The following AGBL1 variants were observed in gnomAD, a reference collection of about 807,000 sequenced individuals.
AGBL1 encodes the protein AGBL carboxypeptidase 1.
In AGBL1, 130 loss-of-function variants were observed where a neutral mutation model predicts 118.9. That is an observed-to-expected ratio of 1.09 (90% CI 0.95 to 1.26). AGBL1 has a LOEUF of 1.26. Ranked by LOEUF, AGBL1 falls within the 50% of genes most tolerant of loss-of-function variation. The pLI is 0.00. For synonymous variants in AGBL1, 555 were observed against 478.9 expected (o/e 1.16, Z -2.08); for missense variants, 1,584 against 1,298.1 (o/e 1.22, Z -3.38).
intron 22 of AGBL1, among the ~76,000 whole-genome samples, chr15:86,692,640 A>G (rs899477819): frequency 6.6e-6 from 1 of 152,050 alleles, no homozygotes; most frequent in African/African-American, 2.4e-5. Context: ...TTTTGGAGGG[A>G]ACAGGTAGTA....
chr15:86,844,850 A>G (rs779142294), intron 22 of AGBL1, among the ~76,000 whole-genome samples: 9 of 152,092 alleles, frequency 5.9e-5, no homozygotes, highest in Non-Finnish European at 8.8e-5. Context: ...CTTATGTTCT[A>G]TGAGTCAATT....
intron 17 of AGBL1, among the ~76,000 whole-genome samples, chr15:86,310,810 C>G (rs2079909384): frequency 6.6e-6 from 1 of 152,150 alleles, no homozygotes; most frequent in African/African-American, 2.4e-5. Context: ...TGACCATATT[C>G]TCTACTATGG....
intron 1 of AGBL1, among the ~76,000 whole-genome samples, chr15:86,082,641 C>T (rs769268566): frequency 6.6e-6 from 1 of 152,212 alleles, no homozygotes; most frequent in South Asian, 2.1e-4. Flanking sequence ...CACTAAGAAA[C>T]ATCAGTTTTC....
chr15:86,225,068 A>G (rs188728251), intron 6 of AGBL1, 117 bp downstream of exon 6: 122 of 1,015,414 alleles, frequency 1.2e-4, no homozygotes, highest in Admixed American at 4.0e-4. Context: ...CTATTTCTCA[A>G]TCACCTATGG....
chr15:86,930,074 G>A (rs951960745), intron 23 of AGBL1, among the ~76,000 whole-genome samples: 1 of 151,992 alleles, frequency 6.6e-6, no homozygotes, highest in Non-Finnish European at 1.5e-5. Context: ...CATGGTATTT[G>A]TCTTCCCCCA....
chr15:86,976,233 T>C (rs1030233259), intron 23 of AGBL1, among the ~76,000 whole-genome samples: 3 of 150,564 alleles, frequency 2.0e-5, no homozygotes, highest in Non-Finnish European at 4.4e-5. Context: ...TATATATGCT[T>C]ATATATCTGT....
At chr15:86,702,257 A>T (rs1053441481) in intron 22 of AGBL1, among the ~76,000 whole-genome samples, 10 of 152,156 alleles carry the variant, frequency 6.6e-5, no homozygotes, top group Non-Finnish European at 1.5e-4. Flanking sequence ...AAAGGAACTG[A>T]CAAGCAATGT....
intron 18 of AGBL1, among the ~76,000 whole-genome samples, chr15:86,504,658 T>C (rs2082954346): frequency 6.6e-6 from 1 of 151,622 alleles, no homozygotes; most frequent in Non-Finnish European, 1.5e-5. Context: ...ATTGCAATAG[T>C]GTACAAAATA....
intron 1 of AGBL1, among the ~76,000 whole-genome samples, chr15:86,121,414 T>A (rs1290138128): frequency 1.3e-5 from 2 of 152,216 alleles, no homozygotes; most frequent in Non-Finnish European, 2.9e-5. Flanking sequence ...GGCAAATATG[T>A]AAATGTAAAA....
In AGBL1 at chr15:86,314,863, G is replaced by A. The variant is rs956432424; in HGVS notation, c.2374+19455G>A. Among the ~76,000 whole-genome samples, 19 of 152,260 alleles carry A rather than the reference G, an allele frequency of 1.2e-4. No individual in the cohort carries two copies. The South Asian group carries it at 3.5e-3, about 28-fold the overall frequency. On this transcript the variant is annotated intron_variant, in intron 17 of 22. Transcript: ENST00000614907. ...AAGGGCATGTTTTCCAGGAAATAAGGCATTTTGATAGAGTTGTAAAACATG... is the reference window on the plus strand; with the variant it reads ...AAGGGCATGTTTTCCAGGAAATAAGACATTTTGATAGAGTTGTAAAACATG...
chr15:86,119,542 C>G (rs890716698), intron 1 of AGBL1, among the ~76,000 whole-genome samples: 12 of 151,976 alleles, frequency 7.9e-5, no homozygotes, highest in East Asian at 1.9e-4. Flanking sequence ...AATGATCTGC[C>G]CCCCCGGACC....
At chr15:86,981,658 A>G (rs2081232873) in intron 23 of AGBL1, among the ~76,000 whole-genome samples, 1 of 152,158 alleles carries the variant, frequency 6.6e-6, no homozygotes, top group South Asian at 2.1e-4. Flanking sequence ...ATACAGTTGC[A>G]CCTTTTTTTG....
chr15:86,801,244 A>G (rs921305949), intron 22 of AGBL1, among the ~76,000 whole-genome samples: 1 of 151,970 alleles, frequency 6.6e-6, no homozygotes, highest in Non-Finnish European at 1.5e-5. Flanking sequence ...TTTCTTGGCA[A>G]ATGTTGGGGA....
intron 6 of AGBL1, among the ~76,000 whole-genome samples, chr15:86,237,900 T>A (rs190555929): frequency 2.7e-4 from 41 of 152,300 alleles, no homozygotes; most frequent in African/African-American, 9.9e-4. Context: ...TACTGTCCCC[T>A]TGCTTTCTTC....
intron 22 of AGBL1, among the ~76,000 whole-genome samples, chr15:86,882,612 A>G (rs1266765799): frequency 6.6e-6 from 1 of 152,208 alleles, no homozygotes; most frequent in East Asian, 1.9e-4. Flanking sequence ...GTAAAAGTGC[A>G]TATAAAATGG....
At chr15:86,637,144 T>C (rs181490685) in intron 21 of AGBL1, among the ~76,000 whole-genome samples, 84 of 152,128 alleles carry the variant, frequency 5.5e-4, no homozygotes, top group African/African-American at 1.9e-3. Flanking sequence ...ATAGAGTTTG[T>C]AATCTAGTGA....
At chr15:86,434,440 T>C (rs1434650011) in intron 18 of AGBL1, among the ~76,000 whole-genome samples, 4 of 152,242 alleles carry the variant, frequency 2.6e-5, no homozygotes, top group Non-Finnish European at 4.4e-5. Flanking sequence ...GAGCAGATAG[T>C]GCAGTTTGCT....
chr15:86,770,858 C>T (rs2078168040), intron 22 of AGBL1, among the ~76,000 whole-genome samples: 1 of 152,060 alleles, frequency 6.6e-6, no homozygotes, highest in African/African-American at 2.4e-5. Flanking sequence ...GACATCTACT[C>T]TGTGCTAAGG....
At position 86,844,222 on chromosome 15, in the gene AGBL1, T is replaced by C. The variant is rs536459703; in HGVS notation, c.3159-62865T>C. ...ACATACTAATCATTGTGTGGACATG[T>C]TTCAGTTTTACTAGCAGTGAAATTG... On this transcript the variant is annotated intron_variant, in intron 22 of 22. Transcript: ENST00000614907. Among the ~76,000 whole-genome samples the C allele has an allele frequency of 9.2e-5, 14 of 152,302 alleles. 1 individual carries two copies. In the South Asian group the frequency reaches 2.5e-3, roughly 27 times the overall value.
Sources: allele counts gnomAD v4.1 joint callset (sites outside exome capture counted in the v4.1 genomes callset), GRCh38; gene constraint gnomAD v4.1.1; transcripts MANE v1.5; gene names NCBI Gene and HGNC (gene_info 2026-07-23, HGNC 2026-07-21).